DAPK1: variants seen among roughly 807,000 people sequenced by gnomAD.
DAPK1 encodes the protein death associated protein kinase 1, also known as death-associated protein kinase 1.
A neutral mutation model predicts 144.9 loss-of-function variants in DAPK1; 56 were observed. The ratio of observed to expected loss-of-function variants is 0.39; its 90% CI spans 0.31 to 0.48. The LOEUF (loss-of-function observed/expected upper bound fraction) is 0.48, where lower values mean the gene tolerates loss of function less well. Ranked by LOEUF, DAPK1 falls within the 20% of genes least tolerant of loss-of-function variation. DAPK1 has a pLI of 0.95. For missense variants in DAPK1, 1,454 were observed against 1,875.4 expected (o/e 0.78, Z 4.15); for synonymous variants, 690 against 749.0 (o/e 0.92, Z 1.29).
chr9:87,580,548 TCTATC>T (rs1827717342), intron 2 of DAPK1, among the ~76,000 whole-genome samples: 2 of 152,228 alleles, frequency 1.3e-5, no homozygotes, highest in Non-Finnish European at 2.9e-5. Context: ...AGTAATGAAT[TCTATC>T]CTTTATCTCT....
intron 19 of DAPK1, among the ~76,000 whole-genome samples, chr9:87,671,278 T>C (rs1824135591): frequency 6.6e-6 from 1 of 152,190 alleles, no homozygotes; most frequent in Non-Finnish European, 1.5e-5. Context: ...GATTTTCTTT[T>C]CTTCTATCCA....
intron 14 of DAPK1, 116 bp downstream of exon 14, chr9:87,647,519 T>A (rs569179865): frequency 3.9e-4 from 322 of 818,732 alleles, no homozygotes; most frequent in Admixed American, 6.1e-4. Flanking sequence ...GGACCAGAAT[T>A]CACCTGCAGA....
intron 2 of DAPK1, chr9:87,554,225 T>C (rs189644436): frequency 6.6e-6 from 1 of 152,210 alleles, no homozygotes; most frequent in African/African-American, 2.4e-5. Context: ...TTCCACTTGA[T>C]TTTGCCATTA....
At chr9:87,515,071 A>G (rs1824996786) in intron 2 of DAPK1, among the ~76,000 whole-genome samples, 1 of 152,220 alleles carries the variant, frequency 6.6e-6, no homozygotes. Context: ...TTACTTAGCT[A>G]TGGAGTCAAG....
At chr9:87,548,591 T>C (rs1248801485) in intron 2 of DAPK1, among the ~76,000 whole-genome samples, 1 of 152,224 alleles carries the variant, frequency 6.6e-6, no homozygotes, top group African/African-American at 2.4e-5. Flanking sequence ...CTAAATTTTG[T>C]GTTCAGAGTT....
At chr9:87,552,399 A>G (rs932900522) in intron 2 of DAPK1, among the ~76,000 whole-genome samples, 1 of 122,454 alleles carries the variant, frequency 8.2e-6, no homozygotes, top group Non-Finnish European at 2.0e-5. Context: ...TTGAACAGTG[A>G]CGGGGCACCA....
chr9:87,573,796 A>G (rs1398462350), intron 2 of DAPK1, among the ~76,000 whole-genome samples: 3 of 152,232 alleles, frequency 2.0e-5, no homozygotes, highest in South Asian at 4.1e-4. Context: ...CCTTATCTCT[A>G]TAATTCTAAT....
At chr9:87,645,846 G>C in intron 11 of DAPK1, 49 bp from the exon 12 acceptor site, 2 of 1,600,910 alleles carry the variant, frequency 1.2e-6, no homozygotes, top group Non-Finnish European at 1.7e-6. Flanking sequence ...GGTAAGAAAA[G>C]CATGGCTAGC....
intron 2 of DAPK1, chr9:87,525,534 C>A: frequency 9.4e-7 from 1 of 1,067,104 alleles, no homozygotes; most frequent in Non-Finnish European, 1.4e-6. Flanking sequence ...CATGATAGTT[C>A]TTTGTACATA....
At chr9:87,639,948 C>T (rs1259210064) in intron 7 of DAPK1, 133 bp downstream of exon 7, 3 of 932,100 alleles carry the variant, frequency 3.2e-6, no homozygotes, top group Non-Finnish European at 4.9e-6. Context: ...ATTTTACACC[C>T]CCAAAACATG....
At chr9:87,612,524 T>C (rs766226747) in intron 3 of DAPK1, among the ~76,000 whole-genome samples, 1 of 152,140 alleles carries the variant, frequency 6.6e-6, no homozygotes, top group Non-Finnish European at 1.5e-5. Context: ...CCCAAAACTA[T>C]GTGATAGCAG....
At chr9:87,659,602 C>T (rs1230199427) in intron 18 of DAPK1, among the ~76,000 whole-genome samples, 1 of 152,208 alleles carries the variant, frequency 6.6e-6, no homozygotes, top group African/African-American at 2.4e-5. Flanking sequence ...TGTAGGGTCC[C>T]TCCGTGAGCC....
rs528234545 is a variant in DAPK1 at position 87,618,740 on chromosome 9, C to T, written c.284+13565C>T. ...AGACACAAAGTAGCTGCGTGGCTGC[C>T]GAGGGCAGGTGGGAGTGTGGTGGGA... On this transcript the variant is annotated intron_variant, in intron 3 of 25. Coordinates refer to ENST00000408954, the MANE Select transcript of DAPK1 (RefSeq NM_004938.4). Among the ~76,000 whole-genome samples, 8 of 152,164 alleles carry T rather than the reference C, an allele frequency of 5.3e-5. No homozygotes were observed. In the East Asian group the frequency reaches 9.7e-4, roughly 18 times the overall value.
intron 2 of DAPK1, 171 bp downstream of exon 2, chr9:87,499,310 A>G: frequency 1.6e-6 from 1 of 637,412 alleles, no homozygotes; most frequent in South Asian, 1.9e-5. Flanking sequence ...GCCTGATCCA[A>G]GGGCCTGGGG....
At chr9:87,499,600 A>G (rs964200192) in intron 2 of DAPK1, among the ~76,000 whole-genome samples, 1 of 152,212 alleles carries the variant, frequency 6.6e-6, no homozygotes, top group Non-Finnish European at 1.5e-5. Context: ...TAGGTGGTAA[A>G]TGGAGACTTG....
intron 2 of DAPK1, among the ~76,000 whole-genome samples, chr9:87,563,276 G>A (rs556712357): frequency 1.8e-4 from 27 of 152,356 alleles, no homozygotes; most frequent in Non-Finnish European, 2.4e-4. Flanking sequence ...ACTGTATGAG[G>A]AAGAATATGG....
intron 21 of DAPK1, among the ~76,000 whole-genome samples, chr9:87,691,073 G>GT (rs921981637): frequency 3.3e-5 from 5 of 151,536 alleles, no homozygotes; most frequent in Non-Finnish European, 7.4e-5. Flanking sequence ...TGCCCCTTCA[G>GT]TTTTTTTTGG....
At position 87,704,627 on chromosome 9, in the gene DAPK1, G is replaced by A. The variant is rs370640260; in HGVS notation, c.3060+1410G>A. On this transcript the variant is annotated intron_variant, in intron 25 of 25. Coordinates refer to ENST00000408954, the MANE Select transcript of DAPK1 (RefSeq NM_004938.4). ...TTCTCCTCCACTATGGGACAGTTTCGTCTTTCCTGAGCCTGAGGCGATGAG... is the reference window on the plus strand; with the variant it reads ...TTCTCCTCCACTATGGGACAGTTTCATCTTTCCTGAGCCTGAGGCGATGAG... Among the ~76,000 whole-genome samples, 9 of 152,282 alleles carry A rather than the reference G, an allele frequency of 5.9e-5. No homozygotes were observed. In the East Asian group the frequency reaches 1.2e-3, roughly 20 times the overall value.
chr9:87,525,338 A>G lies in DAPK1; in HGVS notation c.62+26199A>G, dbSNP rs1563974778. On this transcript the variant is annotated intron_variant, in intron 2 of 25. Coordinates refer to ENST00000408954, the MANE Select transcript of DAPK1 (RefSeq NM_004938.4). ...GCAGCTGTACTGGAGCCACCCGCGA[A>G]AATTCGGCCAGGGTTCTCGCTCTTG... 41 of 1,611,000 alleles carry G rather than the reference A, an allele frequency of 2.5e-5. No homozygotes were observed. In the South Asian group the frequency reaches 4.4e-4, roughly 17 times the overall value.
Sources: gnomAD v4.1 joint callset for allele counts (sites outside exome capture counted in the v4.1 genomes callset) on GRCh38, gnomAD v4.1.1 for gene constraint, MANE v1.5 for transcripts, NCBI Gene and HGNC (gene_info 2026-07-23, HGNC 2026-07-21) for gene names.